Variants in APBA2 observed in about 807,000 individuals in gnomAD.
APBA2 encodes the protein amyloid beta precursor protein binding family A member 2.
A neutral mutation model predicts 75.0 loss-of-function variants in APBA2; 30 were observed. The observed-to-expected ratio is 0.40, with a 90% CI of 0.30 to 0.54. APBA2 has a LOEUF of 0.54. Ranked by LOEUF, APBA2 falls within the 20% of genes least tolerant of loss-of-function variation. The pLI is 0.49. For missense variants in APBA2, 801 were observed against 1,016.1 expected, an observed-to-expected ratio of 0.79 and a Z score of 2.88; for synonymous variants, 444 against 409.6, an observed-to-expected ratio of 1.08 and a Z score of -1.01.
intron 8 of APBA2, among the ~76,000 whole-genome samples, chr15:29,095,045 C>T (rs543376102): frequency 1.1e-4 from 17 of 150,100 alleles, no homozygotes; most frequent in African/African-American, 2.9e-4. Flanking sequence ...CCAGCCTGGG[C>T]GACAGAGTGA....
At chr15:28,896,531 G>T (rs1340245258) in intron 1 of APBA2, among the ~76,000 whole-genome samples, 3 of 152,158 alleles carry the variant, frequency 2.0e-5, no homozygotes, top group Non-Finnish European at 4.4e-5. Context: ...CGCCCACATC[G>T]GCCTCCCAAA....
intron 2 of APBA2, among the ~76,000 whole-genome samples, chr15:28,987,733 T>G (rs1173600665): frequency 1.5e-5 from 2 of 136,838 alleles, no homozygotes; most frequent in Non-Finnish European, 3.1e-5. Flanking sequence ...GAGAGAGATA[T>G]ATATATATAT....
chr15:28,953,392 G>T (rs1220408805), intron 2 of APBA2, among the ~76,000 whole-genome samples: 3 of 152,256 alleles, frequency 2.0e-5, no homozygotes, highest in East Asian at 3.9e-4. Flanking sequence ...GAGAACAGAA[G>T]TCTCTTGCTC....
chr15:28,980,127 G>C (rs900570333), intron 2 of APBA2, among the ~76,000 whole-genome samples: 3 of 152,142 alleles, frequency 2.0e-5, no homozygotes, highest in African/African-American at 4.8e-5. Context: ...GGCCGTGTAG[G>C]TTTGTCCTGC....
At chr15:28,986,406 ACT>A (rs1481779038) in intron 2 of APBA2, among the ~76,000 whole-genome samples, 1 of 152,170 alleles carries the variant, frequency 6.6e-6, no homozygotes, top group Non-Finnish European at 1.5e-5. Flanking sequence ...TCGTAGGAAC[ACT>A]CAGCCTGTTC....
At chr15:29,080,862 T>A (rs974725361) in intron 6 of APBA2, among the ~76,000 whole-genome samples, 1 of 152,228 alleles carries the variant, frequency 6.6e-6, no homozygotes, top group Non-Finnish European at 1.5e-5. Context: ...TAAATCTTAC[T>A]CTGCTTTTTG....
chr15:28,982,217 A>C (rs2037661935), intron 2 of APBA2, among the ~76,000 whole-genome samples: 2 of 152,182 alleles, frequency 1.3e-5, no homozygotes, highest in South Asian at 4.1e-4. Flanking sequence ...ACTTATAAAG[A>C]GTTAAGGATT....
intron 3 of APBA2, among the ~76,000 whole-genome samples, chr15:29,004,198 T>A (rs913604983): frequency 1.3e-5 from 2 of 152,202 alleles, no homozygotes; most frequent in Non-Finnish European, 2.9e-5. Context: ...AAAGCCAAGT[T>A]CTAGATAGAA....
intron 3 of APBA2, among the ~76,000 whole-genome samples, chr15:29,019,303 T>TTAC (rs1247391578): frequency 2.0e-5 from 3 of 152,228 alleles, no homozygotes; most frequent in Non-Finnish European, 4.4e-5. Flanking sequence ...TGTTGGTGTG[T>TTAC]TACTTATTGT....
At chr15:29,015,581 C>T (rs910929965) in intron 3 of APBA2, among the ~76,000 whole-genome samples, 3 of 152,158 alleles carry the variant, frequency 2.0e-5, no homozygotes, top group African/African-American at 7.2e-5. Flanking sequence ...AACTTATTAT[C>T]AAGTCAGGAA....
intron 3 of APBA2, among the ~76,000 whole-genome samples, chr15:29,024,906 T>G (rs2152835370): frequency 6.6e-6 from 1 of 152,220 alleles, no homozygotes; most frequent in African/African-American, 2.4e-5. Flanking sequence ...AGGTATAGCC[T>G]TGGGGCTTGC....
At chr15:28,912,074 T>C (rs2033455364) in intron 1 of APBA2, among the ~76,000 whole-genome samples, 1 of 152,256 alleles carries the variant, frequency 6.6e-6, no homozygotes, top group African/African-American at 2.4e-5. Context: ...TAGTTTCATA[T>C]CAGTTCCCTC....
chr15:29,011,364 C>T (rs968155492), intron 3 of APBA2, among the ~76,000 whole-genome samples: 1 of 152,142 alleles, frequency 6.6e-6, no homozygotes, highest in Non-Finnish European at 1.5e-5. Flanking sequence ...AAAATCTGTT[C>T]ACTTTTTAAA....
At chr15:29,004,053 G>T (rs1418476510) in intron 3 of APBA2, among the ~76,000 whole-genome samples, 36 of 152,320 alleles carry the variant, frequency 2.4e-4, no homozygotes, top group Non-Finnish European at 1.0e-4. Context: ...GTCACTTCCT[G>T]TCTCCCACTA....
At chr15:29,017,593 A>C (rs1053904131) in intron 3 of APBA2, among the ~76,000 whole-genome samples, 5 of 149,308 alleles carry the variant, frequency 3.3e-5, no homozygotes, top group African/African-American at 1.2e-4. Context: ...CTGGTCTTGA[A>C]CTCCTGACCT....
At chr15:28,939,728 G>T (rs1312676326) in intron 2 of APBA2, among the ~76,000 whole-genome samples, 1 of 152,198 alleles carries the variant, frequency 6.6e-6, no homozygotes, top group African/African-American at 2.4e-5. Flanking sequence ...GGTGCCAAGG[G>T]TCACTGCCTT....
At chr15:29,074,006 T>A (rs941140728) in intron 4 of APBA2, among the ~76,000 whole-genome samples, 1 of 152,156 alleles carries the variant, frequency 6.6e-6, no homozygotes, top group African/African-American at 2.4e-5. Flanking sequence ...TTAGGTTTTT[T>A]AAAAATATGG....
At chr15:29,029,880 C>G (rs934293658) in intron 3 of APBA2, among the ~76,000 whole-genome samples, 1 of 152,132 alleles carries the variant, frequency 6.6e-6, no homozygotes, top group Non-Finnish European at 1.5e-5. Context: ...GGTGTGAGTT[C>G]GGGCACCAGC....
intron 2 of APBA2, among the ~76,000 whole-genome samples, chr15:28,950,645 C>CA (rs1297421211): frequency 1.3e-5 from 2 of 150,638 alleles, no homozygotes; most frequent in South Asian, 2.1e-4. Context: ...AAAAAGAAAG[C>CA]AAAAAAAGAT....
Sources: gnomAD v4.1 joint callset for allele counts (sites outside exome capture counted in the v4.1 genomes callset) on GRCh38, gnomAD v4.1.1 for gene constraint, MANE v1.5 for transcripts, NCBI Gene and HGNC (gene_info 2026-07-23, HGNC 2026-07-21) for gene names.